AGO3: variants seen among roughly 807,000 people sequenced by gnomAD.
AGO3 encodes the protein argonaute RISC catalytic component 3, also known as protein argonaute-3.
AGO3 carries 16 observed loss-of-function variants against 105.5 expected under a neutral mutation model. The ratio of observed to expected loss-of-function variants is 0.15; its 90% CI spans 0.10 to 0.23. The LOEUF is 0.23. Ranked by LOEUF, AGO3 falls within the 10% of genes least tolerant of loss-of-function variation. AGO3 has a pLI of 1.00. For synonymous variants in AGO3, 340 were observed against 367.3 expected (o/e 0.93, Z 0.85); for missense variants, 534 against 1,088.0 (o/e 0.49, Z 7.16).
intron 3 of AGO3, among the ~76,000 whole-genome samples, chr1:35,971,120 T>G (rs1646862024): frequency 6.8e-6 from 1 of 146,838 alleles, no homozygotes; most frequent in African/African-American, 2.5e-5. Context: ...TATAAATTTA[T>G]ATTATAAATT....
chr1:36,030,061 G>C (rs1641699814), intron 12 of AGO3, among the ~76,000 whole-genome samples: 1 of 151,912 alleles, frequency 6.6e-6, no homozygotes, highest in Admixed American at 6.6e-5. Context: ...GAAAATATTT[G>C]TAGCAAATAG....
chr1:36,028,236 G>GTATT (rs910428412), intron 12 of AGO3, among the ~76,000 whole-genome samples: 3 of 151,528 alleles, frequency 2.0e-5, no homozygotes, highest in Non-Finnish European at 4.4e-5. Context: ...TTTTTTGTTT[G>GTATT]TATTTATTTA....
intron 1 of AGO3, among the ~76,000 whole-genome samples, chr1:35,932,899 A>G (rs1311631933): frequency 6.6e-6 from 1 of 152,202 alleles, no homozygotes; most frequent in African/African-American, 2.4e-5. Context: ...TTTTAAAGAT[A>G]TTTCAAAAAA....
chr1:36,002,432 C>T (rs533832626), intron 5 of AGO3, among the ~76,000 whole-genome samples: 1 of 148,194 alleles, frequency 6.7e-6, no homozygotes, highest in South Asian at 2.1e-4. Flanking sequence ...CAGGTTCAAG[C>T]GATTCTCATG....
At chr1:35,991,141 T>C (rs1647606661) in intron 5 of AGO3, among the ~76,000 whole-genome samples, 1 of 151,980 alleles carries the variant, frequency 6.6e-6, no homozygotes, top group African/African-American at 2.4e-5. Context: ...CTGTCTCTAC[T>C]AAAATACAAA....
chr1:35,940,376 T>C (rs898281793), intron 1 of AGO3, among the ~76,000 whole-genome samples: 1 of 152,146 alleles, frequency 6.6e-6, no homozygotes, highest in East Asian at 1.9e-4. Context: ...CTAAAAAAAA[T>C]TTTTGATTCA....
chr1:36,043,224 G>C (rs983793267), intron 16 of AGO3: 9 of 485,126 alleles, frequency 1.9e-5, no homozygotes, highest in Non-Finnish European at 3.3e-5. Flanking sequence ...CAGTAGTAGA[G>C]ACTGTATTAG....
intron 2 of AGO3, among the ~76,000 whole-genome samples, chr1:35,965,729 C>T (rs1352037103): frequency 6.6e-6 from 1 of 151,502 alleles, no homozygotes; most frequent in Non-Finnish European, 1.5e-5. Context: ...TGTAGAAAAT[C>T]GCTCTGGGTA....
chr1:35,985,432 G>GT (rs1267326383), intron 5 of AGO3, among the ~76,000 whole-genome samples: 1 of 152,164 alleles, frequency 6.6e-6, no homozygotes, highest in Non-Finnish European at 1.5e-5. Flanking sequence ...CTATAAAACT[G>GT]TAACAGTTAT....
chr1:36,033,516 A>G (rs980155506), intron 12 of AGO3, among the ~76,000 whole-genome samples: 24 of 151,430 alleles, frequency 1.6e-4, no homozygotes, highest in African/African-American at 5.3e-4. Flanking sequence ...GTGGTGGTGC[A>G]TGCCTGTAGT....
upstream of AGO3, chr1:35,930,853 G>A (rs562265582): frequency 7.2e-5 from 15 of 208,100 alleles, no homozygotes; most frequent in African/African-American, 2.1e-4. Context: ...TCGCAGACAG[G>A]CACCGCCCCC....
At chr1:36,012,455 T>C (rs951029100) in intron 9 of AGO3, among the ~76,000 whole-genome samples, 3 of 152,136 alleles carry the variant, frequency 2.0e-5, no homozygotes, top group African/African-American at 7.2e-5. Flanking sequence ...TACATGAAGT[T>C]CTTTGATTAT....
rs1351740755 is a variant in AGO3, at chr1:36,062,102, A to C, written c.*6357A>C. The C allele has an allele frequency of 6.6e-6, 1 of 152,120 alleles. No homozygotes were observed. Among genetic ancestry groups the C allele is most frequent in the African/African-American group, 2.4e-5 (1 of 41,428 alleles). 9.4% of individuals were successfully genotyped at this position (152,120 alleles called of 1,614,324 possible). A position where few individuals can be genotyped will look rare whatever the true frequency, so the allele number is the denominator to read the frequency against. ...TTAACAAGATTATGGGTATAGTACCAATGTCCAAAGGGAAATGTAACTTGC... is the reference window on the plus strand; with the variant it reads ...TTAACAAGATTATGGGTATAGTACCCATGTCCAAAGGGAAATGTAACTTGC... On this transcript the variant is annotated 3_prime_UTR_variant, in exon 19 of 19. Transcript: ENST00000373191.
intron 2 of AGO3, among the ~76,000 whole-genome samples, chr1:35,962,553 A>T (rs1264610509): frequency 1.3e-5 from 2 of 152,070 alleles, no homozygotes; most frequent in Admixed American, 6.6e-5. Flanking sequence ...AAAAAAAAAA[A>T]AAAAGAGAAA....
chr1:36,062,531 A>G lies in AGO3; in HGVS notation c.*6786A>G, dbSNP rs988126456. On this transcript the variant is annotated 3_prime_UTR_variant, in exon 19 of 19. Coordinates refer to ENST00000373191, the MANE Select transcript of AGO3 (RefSeq NM_024852.4). ...ATGATGACAAGGCATTTAAAAGGGT[A>G]TGATCAGTTAAATAGAAGTAGGGTC... 3 of 152,200 alleles carry G rather than the reference A, an allele frequency of 2.0e-5. No individual in the cohort carries two copies. The East Asian group carries it at 5.8e-4, about 29-fold the overall frequency. 9.4% of individuals were successfully genotyped at this position (152,200 alleles called of 1,614,324 possible). A position where few individuals can be genotyped will look rare whatever the true frequency, so the allele number is the denominator to read the frequency against.
chr1:36,054,790 T>G (rs385621), intron 17 of AGO3, among the ~76,000 whole-genome samples, 156 bp from the exon 18 acceptor site: 141,668 of 152,216 alleles, frequency 0.93, 65,990 homozygotes, highest in East Asian at 1. Flanking sequence ...GCAGAGGCAC[T>G]AGAATCTTTT....
chr1:36,044,986 T>C (rs892413884), intron 17 of AGO3, among the ~76,000 whole-genome samples: 24 of 152,232 alleles, frequency 1.6e-4, no homozygotes, highest in African/African-American at 5.8e-4. Flanking sequence ...TACAGCTCTG[T>C]ATCTTATAGC....
intron 5 of AGO3, among the ~76,000 whole-genome samples, chr1:36,003,519 A>AC (rs1640191609): frequency 6.6e-6 from 1 of 151,102 alleles, no homozygotes; most frequent in South Asian, 2.1e-4. Context: ...ACACGGAGAA[A>AC]CCCCGTCTCT....
At chr1:36,045,803 A>G (rs1642445287) in intron 17 of AGO3, among the ~76,000 whole-genome samples, 1 of 152,344 alleles carries the variant, frequency 6.6e-6, no homozygotes, top group Admixed American at 6.5e-5. Context: ...TCAGCCTCTC[A>G]AAGTGCTGGG....
Sources: allele counts gnomAD v4.1 joint callset (sites outside exome capture counted in the v4.1 genomes callset), GRCh38; gene constraint gnomAD v4.1.1; transcripts MANE v1.5; gene names NCBI Gene and HGNC (gene_info 2026-07-23, HGNC 2026-07-21).